Variants in RGS7BP observed in about 807,000 individuals in gnomAD.
RGS7BP encodes the protein regulator of G protein signaling 7 binding protein, also known as regulator of G protein signaling 7-binding protein.
A neutral mutation model predicts 31.3 loss-of-function variants in RGS7BP; 9 were observed. The observed-to-expected ratio is 0.29, with a 90% CI of 0.17 to 0.50. The LOEUF (loss-of-function observed/expected upper bound fraction) is 0.50. Among genes scored for constraint, RGS7BP ranks in the 20% least tolerant of loss-of-function variants. The pLI, the probability that RGS7BP is intolerant of heterozygous loss-of-function variation, is 0.98. For missense variants in RGS7BP, 274 were observed against 322.0 expected (o/e 0.85, Z 1.14); for synonymous variants, 115 against 120.1 (o/e 0.96, Z 0.28).
intron 3 of RGS7BP, among the ~76,000 whole-genome samples, chr5:64,587,434 A>G (rs991839274): frequency 6.6e-6 from 1 of 152,186 alleles, no homozygotes; most frequent in Non-Finnish European, 1.5e-5. Flanking sequence ...AATGAGGTCA[A>G]TTCCAGAGAT....
In RGS7BP at chr5:64,610,516, T is replaced by G. The variant is rs1393069203; in HGVS notation, c.*1264T>G. The stretch of plus-strand genomic sequence containing the variant: ...TTCCATAGTCTGAAAAACCTTCAAG[T>G]CAGACAGGAGGCACCAGTGTCCAGT... On this transcript the variant is annotated 3_prime_UTR_variant, in exon 6 of 6. Transcript: ENST00000334025. 6.6e-6 allele frequency: 1 copy of G among 151,924 alleles called. No individual in the cohort carries two copies. Among genetic ancestry groups the G allele is most frequent in the Non-Finnish European group, 1.5e-5 (1 of 67,902 alleles). 9.4% of individuals were successfully genotyped at this position (151,924 alleles called of 1,614,324 possible). A position where few individuals can be genotyped will look rare whatever the true frequency, so the allele number is the denominator to read the frequency against.
In RGS7BP at chr5:64,506,067, G is replaced by A. The variant is rs986102894; in HGVS notation, c.-558G>A. Among the ~76,000 whole-genome samples the A allele has an allele frequency of 1.7e-4, 26 of 152,114 alleles. No individual in the cohort carries two copies. The highest frequency in any genetic ancestry group is 3.5e-4 in the Non-Finnish European group (24 of 68,018). ...TTCAAACAGACAAGCCCTTAGAGAC[G>A]AGGGATCAAGGCAGCCGATTAGAGC... is the stretch of plus-strand genomic sequence containing the variant. On this transcript the variant is annotated 5_prime_UTR_variant, in exon 1 of 6. Coordinates refer to ENST00000334025, the MANE Select transcript of RGS7BP (RefSeq NM_001029875.3). This position sits in a 1 kb window ranked among gnomAD's most constrained non-coding sequence, Gnocchi z 4.6.
chr5:64,595,446 TA>T (rs1158834511), intron 4 of RGS7BP, among the ~76,000 whole-genome samples: 1 of 152,138 alleles, frequency 6.6e-6, no homozygotes, highest in Non-Finnish European at 1.5e-5. Flanking sequence ...TGCATTTTCT[TA>T]ACTTCAGTAG....
intron 2 of RGS7BP, among the ~76,000 whole-genome samples, chr5:64,560,543 G>GTATA (rs35400833): frequency 0.029 from 4,308 of 147,234 alleles, 105 homozygotes; most frequent in Admixed American, 0.069. Flanking sequence ...TAATATCATT[G>GTATA]TATATATATA....
intron 2 of RGS7BP, among the ~76,000 whole-genome samples, chr5:64,520,945 G>A (rs1749093416): frequency 1.3e-5 from 2 of 152,224 alleles, no homozygotes; most frequent in African/African-American, 4.8e-5. Flanking sequence ...GAGATTATCA[G>A]ACCAATCTCA....
intron 2 of RGS7BP, among the ~76,000 whole-genome samples, chr5:64,537,844 A>T (rs1741414081): frequency 6.6e-6 from 1 of 152,210 alleles, no homozygotes; most frequent in Admixed American, 6.5e-5. Context: ...TGCTATTCAA[A>T]GCCTGATAAA....
chr5:64,554,887 AATAT>A (rs200771071), intron 2 of RGS7BP, among the ~76,000 whole-genome samples: 2 of 151,958 alleles, frequency 1.3e-5, no homozygotes, highest in Non-Finnish European at 2.9e-5. Flanking sequence ...TCTAAAAATG[AATAT>A]ATATATACAA....
intron 5 of RGS7BP, among the ~76,000 whole-genome samples, chr5:64,608,744 G>A (rs1030874232): frequency 3.3e-5 from 5 of 151,998 alleles, no homozygotes; most frequent in African/African-American, 1.2e-4. Flanking sequence ...GCAGAGGCAG[G>A]TTTAGAAAAG....
chr5:64,586,622 G>T (rs1197456500), intron 3 of RGS7BP, among the ~76,000 whole-genome samples: 4 of 152,208 alleles, frequency 2.6e-5, no homozygotes, highest in Admixed American at 2.6e-4. Context: ...ATTGAGAGGT[G>T]GTTGCCTGGT....
At chr5:64,524,634 A>G (rs947525347) in intron 2 of RGS7BP, among the ~76,000 whole-genome samples, 1 of 152,152 alleles carries the variant, frequency 6.6e-6, no homozygotes, top group African/African-American at 2.4e-5. Flanking sequence ...TTTGAGGACA[A>G]TTGAATCCCT....
At chr5:64,557,039 G>A (rs1431750504) in intron 2 of RGS7BP, among the ~76,000 whole-genome samples, 1 of 152,098 alleles carries the variant, frequency 6.6e-6, no homozygotes, top group African/African-American at 2.4e-5. Context: ...GTCCACACTG[G>A]TACTTGTATT....
At chr5:64,561,153 C>T (rs1347612400) in intron 2 of RGS7BP, among the ~76,000 whole-genome samples, 1 of 152,126 alleles carries the variant, frequency 6.6e-6, no homozygotes, top group Admixed American at 6.6e-5. Context: ...TAGACATGTA[C>T]ACCTCCTTTG....
intron 2 of RGS7BP, among the ~76,000 whole-genome samples, chr5:64,537,378 A>G (rs1189588067): frequency 6.6e-6 from 1 of 152,236 alleles, no homozygotes; most frequent in Non-Finnish European, 1.5e-5. Context: ...CGCGGGTTAC[A>G]AGCTTGGTTT....
At position 64,610,258 on chromosome 5, in the gene RGS7BP, T is replaced by C. The variant is rs1320642637; in HGVS notation, c.*1006T>C. ...TTTTTCCAACGTGTACTTGGTGTCTTGTCTTATGCTTAGACTCTTGAAAGC... is the reference window on the plus strand; with the variant it reads ...TTTTTCCAACGTGTACTTGGTGTCTCGTCTTATGCTTAGACTCTTGAAAGC... On this transcript the variant is annotated 3_prime_UTR_variant, in exon 6 of 6. Coordinates refer to ENST00000334025, the MANE Select transcript of RGS7BP (RefSeq NM_001029875.3). 1 of 152,468 alleles carries C rather than the reference T, an allele frequency of 6.6e-6. No individual in the cohort carries two copies. Among genetic ancestry groups the C allele is most frequent in the Non-Finnish European group, 1.5e-5 (1 of 67,944 alleles). The allele number at this position is 152,468 out of a possible 1,614,324, so 9.4% of individuals were successfully genotyped here. A position where few individuals can be genotyped will look rare whatever the true frequency, so the allele number is the denominator to read the frequency against.
At chr5:64,533,077 C>T (rs527825603) in intron 2 of RGS7BP, among the ~76,000 whole-genome samples, 4 of 152,312 alleles carry the variant, frequency 2.6e-5, no homozygotes, top group Middle Eastern at 6.8e-3. Flanking sequence ...TGGATGCCAC[C>T]CCTGAGAACT....
Position 64,523,353 on chromosome 5 carries a change from C to T in RGS7BP, c.332+15476C>T, listed in dbSNP as rs145699322. Among the ~76,000 whole-genome samples the T allele has an allele frequency of 1.0e-3, 156 of 152,052 alleles. 1 individual carries two copies. Among genetic ancestry groups the T allele is most frequent in the African/African-American group, 3.6e-3 (149 of 41,484 alleles). On this transcript the variant is annotated intron_variant, in intron 2 of 5. Coordinates refer to ENST00000334025, the MANE Select transcript of RGS7BP (RefSeq NM_001029875.3). ...AATGTGCCATTTTTTTTTGGTGTGG[C>T]TTTTTCTTAAGAGAATCTATGAATT... is the stretch of plus-strand genomic sequence containing the variant.
At chr5:64,524,849 A>G (rs1213247883) in intron 2 of RGS7BP, among the ~76,000 whole-genome samples, 1 of 151,966 alleles carries the variant, frequency 6.6e-6, no homozygotes, top group Non-Finnish European at 1.5e-5. Context: ...CTTCCTTGCC[A>G]TCATTCTGAA....
intron 2 of RGS7BP, among the ~76,000 whole-genome samples, chr5:64,558,789 G>T (rs566538275): frequency 6.6e-6 from 1 of 152,276 alleles, no homozygotes; most frequent in South Asian, 2.1e-4. Flanking sequence ...CCTGGGAAAA[G>T]AATGCATTCC....
intron 2 of RGS7BP, among the ~76,000 whole-genome samples, chr5:64,519,264 C>T (rs1034649712): frequency 2.0e-5 from 3 of 152,158 alleles, no homozygotes; most frequent in African/African-American, 7.2e-5. Context: ...CCTCTTAGTT[C>T]GTTTGTTCCT....
Sources: gnomAD v4.1 joint callset for allele counts (sites outside exome capture counted in the v4.1 genomes callset) on GRCh38, gnomAD v4.1.1 for gene constraint, Gnocchi (gnomAD v3.1) non-coding constraint, MANE v1.5 for transcripts, NCBI Gene and HGNC (gene_info 2026-07-23, HGNC 2026-07-21) for gene names.